TUBB2B: variants seen among roughly 807,000 people sequenced by gnomAD.
TUBB2B encodes tubulin beta 2B class IIb, also known as tubulin beta-2B chain.
A neutral mutation model predicts 35.0 loss-of-function variants in TUBB2B; 5 were observed. The observed-to-expected ratio is 0.14, with a 90% CI of 0.07 to 0.30. TUBB2B has a LOEUF of 0.30. TUBB2B is among the 10% of genes least tolerant of loss of function. TUBB2B has a pLI of 1.00. For synonymous variants in TUBB2B, 166 were observed against 250.5 expected (o/e 0.66, Z 3.18); for missense variants, 63 against 601.8 (o/e 0.10, Z 9.37).
chr6:3,225,451 C>A lies in TUBB2B; in HGVS notation c.638G>T (p.Arg213Leu). The A allele has an allele frequency of 6.2e-7, 1 of 1,613,822 alleles. No individual in the cohort carries two copies. The highest frequency in any genetic ancestry group is 8.5e-7 in the Non-Finnish European group (1 of 1,179,944). Residue 213 changes from arginine to leucine, a missense_variant, in exon 4 of 4, where the codon CGC (arginine) becomes CTC (leucine). By Grantham distance (102) the Arg-to-Leu change is moderately radical (BLOSUM62 -2). Transcript: ENST00000259818. Reference sequence around the variant, plus strand: ...GGTGGGGGTGGTCAGCTTCAGGGTGCGGAAGCAGATGTCATACAGGGCCTC... The same window carrying A: ...GGTGGGGGTGGTCAGCTTCAGGGTGAGGAAGCAGATGTCATACAGGGCCTC... Reference protein sequence around the residue: ...DNEALYDICFRTLKLTTPTYG... With the variant: ...DNEALYDICFLTLKLTTPTYG...
In TUBB2B at chr6:3,224,733, C is replaced by A. The variant is rs1443686761; in HGVS notation, c.*18G>T. On this transcript the variant is annotated 3_prime_UTR_variant, in exon 4 of 4. Coordinates refer to ENST00000259818, the MANE Select transcript of TUBB2B (RefSeq NM_178012.5). Reference sequence around the variant, plus strand: ...CGCTTTCCTCCTCCGCTTTCCCTAACCCGTCTCGCGGGGGCATCTACGCCT... The same window carrying A: ...CGCTTTCCTCCTCCGCTTTCCCTAAACCGTCTCGCGGGGGCATCTACGCCT... 7 of 1,613,822 alleles carry A rather than the reference C, an allele frequency of 4.3e-6. No homozygotes were observed. Among genetic ancestry groups the A allele is most frequent in the Non-Finnish European group, 5.9e-6 (7 of 1,179,848 alleles).
In TUBB2B at chr6:3,226,498, C is replaced by G. The variant is rs899932228; in HGVS notation, c.166+63G>C. On this transcript the variant is annotated intron_variant, in intron 2 of 3. Transcript: ENST00000259818. This position sits in a 1 kb window ranked among gnomAD's most constrained non-coding sequence, Gnocchi z 5.5. ...CCAGGGCCACACCCCTGGGGTCCCACGCAAGGGAAAGGGGAGAAGGTGGAA... is the reference window on the plus strand; with the variant it reads ...CCAGGGCCACACCCCTGGGGTCCCAGGCAAGGGAAAGGGGAGAAGGTGGAA... 1 of 1,479,250 alleles carries G rather than the reference C, an allele frequency of 6.8e-7. No individual in the cohort carries two copies. Among genetic ancestry groups the G allele is most frequent in the Non-Finnish European group, 9.5e-7 (1 of 1,057,438 alleles). The allele number at this position is 1,479,250 out of a possible 1,614,324, so 91.6% of individuals were successfully genotyped here.
rs975405388 is a variant in TUBB2B, at chr6:3,226,951, G to C, written c.58-282C>G. On this transcript the variant is annotated intron_variant, in intron 1 of 3. Transcript: ENST00000259818. This position sits in a 1 kb window ranked among gnomAD's most constrained non-coding sequence, Gnocchi z 5.5. ...GGCAGTGGCGGAGCTTGGCGCACTG[G>C]TCGCAGCCCCAGGCTGCGGCAGGAG... is the stretch of plus-strand genomic sequence containing the variant. 5.9e-5 allele frequency among the ~76,000 whole-genome samples: 9 copies of C among 152,278 alleles called. No homozygotes were observed. Among genetic ancestry groups the C allele is most frequent in the African/African-American group, 2.2e-4 (9 of 41,566 alleles).
chr6:3,226,649 A>G lies in TUBB2B; in HGVS notation c.78T>C (p.Asp26=). ...TGCCAGTGGGGTCAATCCCATGCTC[A>G]TCACTGATGACCTCCCAAAACTGAG... is the stretch of plus-strand genomic sequence containing the variant. ...IGAKFWEVIS[D]EHGIDPTGSY... Residue 26 remains aspartate, a synonymous_variant, in exon 2 of 4, where the codon GAT becomes GAC. Transcript: ENST00000259818. The surrounding 1 kb of genome is among the most constrained non-coding windows in gnomAD (Gnocchi z 5.5). The G allele has an allele frequency of 3.1e-6, 5 of 1,614,130 alleles. No individual in the cohort carries two copies. Among genetic ancestry groups the G allele is most frequent in the Non-Finnish European group, 4.2e-6 (5 of 1,179,970 alleles).
At position 3,227,433 on chromosome 6, in the gene TUBB2B, C is replaced by G; in HGVS notation, c.57+54G>C. 1.3e-6 allele frequency: 2 copies of G among 1,596,928 alleles called. No individual in the cohort carries two copies. The highest frequency in any genetic ancestry group is 1.7e-6 in the Non-Finnish European group (2 of 1,177,606). On this transcript the variant is annotated intron_variant, in intron 1 of 3. Transcript: ENST00000259818. This position sits in a 1 kb window ranked among gnomAD's most constrained non-coding sequence, Gnocchi z 7.8. The stretch of plus-strand genomic sequence containing the variant: ...GACCGCGCCTGGGGACCCCGAGGGG[C>G]TCTCGGCCCAGGTTCGCGCCCCCAT...
chr6:3,225,823 A>T lies in TUBB2B; in HGVS notation c.278-12T>A. ...GGCTCCACTCTGGCCTGCCAGAGGG[A>T]AAGAGAAATCTTAAGTCACCGGTGA... On this transcript the variant is annotated splice_polypyrimidine_tract_variant and intron_variant, in intron 3 of 3. Coordinates refer to ENST00000259818, the MANE Select transcript of TUBB2B (RefSeq NM_178012.5). The T allele has an allele frequency of 6.2e-7, 1 of 1,613,694 alleles. No homozygotes were observed. The highest frequency in any genetic ancestry group is 8.5e-7 in the Non-Finnish European group (1 of 1,179,894).
Position 3,226,817 on chromosome 6 carries a change from G to A in TUBB2B, c.58-148C>T. 2 of 771,568 alleles carry A rather than the reference G, an allele frequency of 2.6e-6. No individual in the cohort carries two copies. The highest frequency in any genetic ancestry group is 2.8e-5 in the South Asian group (2 of 70,192). 47.8% of individuals were successfully genotyped at this position (771,568 alleles called of 1,614,324 possible). ...CGTCGTGACCCGGGCACAGCCGCGG[G>A]GCTTGTATTTTGCAGGTTCAGAAAG... On this transcript the variant is annotated intron_variant, in intron 1 of 3. Transcript: ENST00000259818. This position sits in a 1 kb window ranked among gnomAD's most constrained non-coding sequence, Gnocchi z 5.5.
Position 3,224,742 on chromosome 6 carries a change from CG to C in TUBB2B, c.*8del, listed in dbSNP as rs964893073. ...CCTCCGCTTTCCCTAACCCGTCTCGCGGGGGCATCTACGCCTCGTCCTCGCC... is the reference window on the plus strand; with the variant it reads ...CCTCCGCTTTCCCTAACCCGTCTCGCGGGGCATCTACGCCTCGTCCTCGCC... On this transcript the variant is annotated 3_prime_UTR_variant, in exon 4 of 4. Transcript: ENST00000259818. 7 of 1,613,778 alleles carry C rather than the reference CG, an allele frequency of 4.3e-6. No individual in the cohort carries two copies. Among genetic ancestry groups the C allele is most frequent in the Non-Finnish European group, 5.9e-6 (7 of 1,179,912 alleles).
chr6:3,226,811 C>T lies in TUBB2B; in HGVS notation c.58-142G>A. ...AAAGGGCGTCGTGACCCGGGCACAG[C>T]CGCGGGGCTTGTATTTTGCAGGTTC... On this transcript the variant is annotated intron_variant, in intron 1 of 3. Transcript: ENST00000259818. The surrounding 1 kb of genome is among the most constrained non-coding windows in gnomAD (Gnocchi z 5.5). 1 of 786,762 alleles carries T rather than the reference C, an allele frequency of 1.3e-6. No homozygotes were observed. Among genetic ancestry groups the T allele is most frequent in the East Asian group, 2.5e-5 (1 of 39,290 alleles). The allele number at this position is 786,762 out of a possible 1,614,324, so 48.7% of individuals were successfully genotyped here.
chr6:3,226,172 G>A lies in TUBB2B; in HGVS notation c.264C>T (p.Asp88=), dbSNP rs1433149626. Residue 88 remains aspartate, a synonymous_variant, in exon 3 of 4, where the codon GAC becomes GAT. Transcript: ENST00000259818. The surrounding 1 kb of genome is among the most constrained non-coding windows in gnomAD (Gnocchi z 5.5). The part of the protein sequence containing the change: ...SGPFGQIFRP[D]NFVFGQSGAG... ...CCAGGCACTCACCAAACACGAAATT[G>A]TCTGGTCTGAAGATCTGGCCGAATG... is the stretch of plus-strand genomic sequence containing the variant. 4 of 1,613,862 alleles carry A rather than the reference G, an allele frequency of 2.5e-6. No homozygotes were observed. In the South Asian group the frequency reaches 4.4e-5, roughly 18 times the overall value.
chr6:3,226,377 C>T lies in TUBB2B; in HGVS notation c.167-108G>A. On this transcript the variant is annotated intron_variant, in intron 2 of 3. Transcript: ENST00000259818. The surrounding 1 kb of genome is among the most constrained non-coding windows in gnomAD (Gnocchi z 5.5). ...GTTGCCCCAAACAAAGGGAGACCCA[C>T]CATCAGGTTCTCAAAGGGCTCTGTT... The T allele has an allele frequency of 3.6e-6, 4 of 1,118,262 alleles. No individual in the cohort carries two copies. Among genetic ancestry groups the T allele is most frequent in the Non-Finnish European group, 4.0e-6 (3 of 745,028 alleles). 69.3% of individuals were successfully genotyped at this position (1,118,262 alleles called of 1,614,324 possible).
Position 3,227,435 on chromosome 6 carries a change from C to G in TUBB2B, c.57+52G>C, listed in dbSNP as rs1757302860. 1 of 1,597,760 alleles carries G rather than the reference C, an allele frequency of 6.3e-7. No individual in the cohort carries two copies. Among genetic ancestry groups the G allele is most frequent in the Admixed American group, 1.7e-5 (1 of 59,764 alleles). On this transcript the variant is annotated intron_variant, in intron 1 of 3. Transcript: ENST00000259818. The surrounding 1 kb of genome is among the most constrained non-coding windows in gnomAD (Gnocchi z 7.8). Reference sequence around the variant, plus strand: ...CCGCGCCTGGGGACCCCGAGGGGCTCTCGGCCCAGGTTCGCGCCCCCATTG... The same window carrying G: ...CCGCGCCTGGGGACCCCGAGGGGCTGTCGGCCCAGGTTCGCGCCCCCATTG...
At position 3,225,018 on chromosome 6, in the gene TUBB2B, C is replaced by T; in HGVS notation, c.1071G>A (p.Pro357=). 1 of 1,206,302 alleles carries T rather than the reference C, an allele frequency of 8.3e-7. No individual in the cohort carries two copies. The highest frequency in any genetic ancestry group is 1.1e-6 in the Non-Finnish European group (1 of 881,932). The allele number at this position is 1,206,302 out of a possible 1,614,324, so 74.7% of individuals were successfully genotyped here. Residue 357 remains proline, a synonymous_variant, in exon 4 of 4, where the codon CCG becomes CCA. Coordinates refer to ENST00000259818, the MANE Select transcript of TUBB2B (RefSeq NM_178012.5). ...TGGCCGACATCTTCAGGCCGCGGGGCGGGATGTCGCACACGGCCGTCTTCA... is the reference window on the plus strand; with the variant it reads ...TGGCCGACATCTTCAGGCCGCGGGGTGGGATGTCGCACACGGCCGTCTTCA... ...NNVKTAVCDI[P]PRGLKMSATF...
chr6:3,224,444 T>C lies in TUBB2B; in HGVS notation c.*307A>G. On this transcript the variant is annotated 3_prime_UTR_variant, in exon 4 of 4. Coordinates refer to ENST00000259818, the MANE Select transcript of TUBB2B (RefSeq NM_178012.5). ...AATTCAATGCAATGTGTTCAGAAAG[T>C]TACATTTAAATCGTTAATAAAGAGA... 1 of 521,470 alleles carries C rather than the reference T, an allele frequency of 1.9e-6. No homozygotes were observed. The highest frequency in any genetic ancestry group is 3.5e-5 in the Admixed American group (1 of 28,410). 32.3% of individuals were successfully genotyped at this position (521,470 alleles called of 1,614,324 possible).
rs561298015 is a variant in TUBB2B at position 3,227,618 on chromosome 6, G to A, written c.-75C>T. 9.0e-5 allele frequency: 142 copies of A among 1,585,620 alleles called. No homozygotes were observed. The African/African-American group carries it at 1.7e-3, about 19-fold the overall frequency. On this transcript the variant is annotated 5_prime_UTR_variant, in exon 1 of 4. Transcript: ENST00000259818. This position sits in a 1 kb window ranked among gnomAD's most constrained non-coding sequence, Gnocchi z 7.8. ...CCTCCCCTCACACACCCACTGCGGGGTCACCGGGAAGGCGCTCGGGAACCG... is the reference window on the plus strand; with the variant it reads ...CCTCCCCTCACACACCCACTGCGGGATCACCGGGAAGGCGCTCGGGAACCG...
Position 3,227,373 on chromosome 6 carries a change from A to G in TUBB2B, c.57+114T>C. 1 of 1,398,610 alleles carries G rather than the reference A, an allele frequency of 7.1e-7. No homozygotes were observed. The highest frequency in any genetic ancestry group is 9.8e-7 in the Non-Finnish European group (1 of 1,025,532). 86.6% of individuals were successfully genotyped at this position (1,398,610 alleles called of 1,614,324 possible). On this transcript the variant is annotated intron_variant, in intron 1 of 3. Coordinates refer to ENST00000259818, the MANE Select transcript of TUBB2B (RefSeq NM_178012.5). The surrounding 1 kb of genome is among the most constrained non-coding windows in gnomAD (Gnocchi z 7.8). ...CACTCGGCGGCACAAAGCGGCCAGGAAGGTCTGCATTTGGCGATCCCCAGG... is the reference window on the plus strand; with the variant it reads ...CACTCGGCGGCACAAAGCGGCCAGGGAGGTCTGCATTTGGCGATCCCCAGG...
chr6:3,225,432 G>A lies in TUBB2B; in HGVS notation c.657C>T (p.Thr219=). 1.2e-6 allele frequency: 2 copies of A among 1,613,480 alleles called. No individual in the cohort carries two copies. The highest frequency in any genetic ancestry group is 1.7e-5 in the Admixed American group (1 of 59,946). ...GGTGGTTGAGGTCCCCGTAGGTGGG[G>A]GTGGTCAGCTTCAGGGTGCGGAAGC... ...DICFRTLKLT[T]PTYGDLNHLV... Residue 219 remains threonine, a synonymous_variant, in exon 4 of 4, where the codon ACC becomes ACT. Transcript: ENST00000259818.
In TUBB2B at chr6:3,224,384, C is replaced by A; in HGVS notation, c.*367G>T. 3.1e-6 allele frequency: 1 copy of A among 325,604 alleles called. No homozygotes were observed. Among genetic ancestry groups the A allele is most frequent in the Non-Finnish European group, 5.6e-6 (1 of 177,128 alleles). 20.2% of individuals were successfully genotyped at this position (325,604 alleles called of 1,614,324 possible). On this transcript the variant is annotated 3_prime_UTR_variant, in exon 4 of 4. Coordinates refer to ENST00000259818, the MANE Select transcript of TUBB2B (RefSeq NM_178012.5). ...TACCGAAAGAATAAATTCATTTGAG[C>A]TTTTACCTACGCCTTTGCTTTTTGT...
rs1182832169 is a variant in TUBB2B, at chr6:3,225,132, G to T, written c.957C>A (p.Gly319=). 3.5e-6 allele frequency: 3 copies of T among 855,522 alleles called. No individual in the cohort carries two copies. Among genetic ancestry groups the T allele is most frequent in the Non-Finnish European group, 5.0e-6 (3 of 595,328 alleles). 53.0% of individuals were successfully genotyped at this position (855,522 alleles called of 1,614,324 possible). Residue 319 remains glycine (G), a synonymous_variant, in exon 4 of 4, where the codon GGC becomes GGA. Transcript: ENST00000259818. The stretch of plus-strand genomic sequence containing the variant: ...CGTCCACCTCCTTCATGGACATGCG[G>T]CCCCGGAAGATGGCAGCCACCGTCA... ...RYLTVAAIFR[G]RMSMKEVDEQ... is the part of the protein sequence containing the mutation.
Sources: gnomAD v4.1 joint callset for allele counts (sites outside exome capture counted in the v4.1 genomes callset) on GRCh38, gnomAD v4.1.1 for gene constraint, Gnocchi (gnomAD v3.1) non-coding constraint, MANE v1.5 for transcripts, NCBI Gene and HGNC (gene_info 2026-07-23, HGNC 2026-07-21) for gene names.